ADAMTSL5: variants seen among roughly 807,000 people sequenced by gnomAD.
ADAMTSL5 encodes the protein ADAMTS-like protein 5.
ADAMTSL5 carries 53 observed loss-of-function variants against 51.7 expected under a neutral mutation model. That is an observed-to-expected ratio of 1.03 (90% CI 0.82 to 1.29). The LOEUF (loss-of-function observed/expected upper bound fraction) is 1.29, where lower values mean the gene tolerates loss of function less well. ADAMTSL5 is among the 50% of genes most tolerant of loss of function. The pLI, the probability that ADAMTSL5 is intolerant of heterozygous loss-of-function variation, is 0.00. For missense variants in ADAMTSL5, 770 were observed against 676.2 expected (o/e 1.14, Z -1.54); for synonymous variants, 285 against 278.7 (o/e 1.02, Z -0.23).
rs1244065197 is a variant in ADAMTSL5, at chr19:1,506,836, C to T, written c.945G>A (p.Leu315=). ...GCTGAGGCTGCCTCAGGGGCCAGCC[C>T]AGGGCCTGCACACGAGCCTGGAAGG... ...YSPFQARVQA[L]GWPLRQPQPR... Residue 315 remains leucine, a synonymous_variant, in exon 10 of 12, where the codon CTG becomes CTA. Coordinates refer to ENST00000330475, the MANE Select transcript of ADAMTSL5 (RefSeq NM_213604.3). This position sits in a 1 kb window ranked among gnomAD's most constrained non-coding sequence, Gnocchi z 5.6. 6.5e-6 allele frequency: 10 copies of T among 1,541,590 alleles called. No homozygotes were observed. Among genetic ancestry groups the T allele is most frequent in the Non-Finnish European group, 6.1e-6 (7 of 1,144,376 alleles).
intron 8 of ADAMTSL5, 36 bp downstream of exon 8, chr19:1,507,521 C>T: frequency 6.2e-7 from 1 of 1,608,676 alleles, no homozygotes; most frequent in Non-Finnish European, 8.5e-7. Context: ...CCCCGGGTGC[C>T]CAGCCGGGTG....
rs1912991245 is a variant in ADAMTSL5, at chr19:1,507,314, G to C, written c.780C>G (p.Val260=). 6.3e-7 allele frequency: 1 copy of C among 1,595,788 alleles called. No homozygotes were observed. Among genetic ancestry groups the C allele is most frequent in the East Asian group, 2.2e-5 (1 of 44,710 alleles). Residue 260 remains valine, a synonymous_variant, in exon 9 of 12, where the codon GTC becomes GTG. Coordinates refer to ENST00000330475, the MANE Select transcript of ADAMTSL5 (RefSeq NM_213604.3). ...GTYEAAGTHV[V]YTRDTGPQET... Reference sequence around the variant, plus strand: ...CCTGGGGCCCTGTGTCTCGGGTGTAGACCACATGCGTGCCGGCCGCCTCGT... The same window carrying C: ...CCTGGGGCCCTGTGTCTCGGGTGTACACCACATGCGTGCCGGCCGCCTCGT...
At position 1,505,922 on chromosome 19, in the gene ADAMTSL5, C is replaced by G; in HGVS notation, c.*93G>C. ...ACAGGTGGGACGTATTTCAGAGCTG[C>G]CTGGAAGCCAGGGTGAGAGGGGAAA... is the stretch of plus-strand genomic sequence containing the variant. On this transcript the variant is annotated 3_prime_UTR_variant, in exon 12 of 12. Transcript: ENST00000330475. 1 of 1,410,650 alleles carries G rather than the reference C, an allele frequency of 7.1e-7. No individual in the cohort carries two copies. The highest frequency in any genetic ancestry group is 1.5e-5 in the South Asian group (1 of 66,910). 87.4% of individuals were successfully genotyped at this position (1,410,650 alleles called of 1,614,324 possible).
intron 6 of ADAMTSL5, 67 bp downstream of exon 6, chr19:1,508,376 A>G: frequency 2.3e-6 from 3 of 1,286,554 alleles, no homozygotes; most frequent in Non-Finnish European, 3.0e-6. Flanking sequence ...GCGGAGGTGG[A>G]GCCTAGGATG....
chr19:1,510,976 C>T lies in ADAMTSL5; in HGVS notation c.-33G>A, dbSNP rs1207613854. The T allele has an allele frequency of 1.0e-5, 14 of 1,361,854 alleles. No homozygotes were observed. The highest frequency in any genetic ancestry group is 7.1e-5 in the Admixed American group (2 of 28,012). 84.4% of individuals were successfully genotyped at this position (1,361,854 alleles called of 1,614,324 possible). ...CCGCCAGAGACACAGGGTTGTGTCCCGGCTCTGCCCTGACTGGCTGTGTGA... is the reference window on the plus strand; with the variant it reads ...CCGCCAGAGACACAGGGTTGTGTCCTGGCTCTGCCCTGACTGGCTGTGTGA... On this transcript the variant is annotated 5_prime_UTR_variant, in exon 2 of 12. Transcript: ENST00000330475.
Position 1,507,366 on chromosome 19 carries a change from T to G in ADAMTSL5, c.728A>C (p.His243Pro). 2 of 1,581,726 alleles carry G rather than the reference T, an allele frequency of 1.3e-6. No individual in the cohort carries two copies. Among genetic ancestry groups the G allele is most frequent in the Non-Finnish European group, 1.7e-6 (2 of 1,162,804 alleles). Reference sequence around the variant, plus strand: ...GGTCCCTGGTGGGCTGACCACCCAGTGCCCATTAAGCACGTAGCGCCCATC... The same window carrying G: ...GGTCCCTGGTGGGCTGACCACCCAGGGCCCATTAAGCACGTAGCGCCCATC... ...GGDGRYVLNG[H>P]WVVSPPGTYE... Residue 243 changes from histidine (H) to proline (P), a missense_variant, in exon 9 of 12, where the codon CAC becomes CCC. Transcript: ENST00000330475.
intron 7 of ADAMTSL5, 82 bp from the exon 8 acceptor site, chr19:1,507,725 G>T (rs1394544289): frequency 7.3e-7 from 1 of 1,373,892 alleles, no homozygotes; most frequent in African/African-American, 1.4e-5. Flanking sequence ...GAGCTACTGC[G>T]GGTAAGACAG....
At chr19:1,509,666 A>AAAAGG (rs1568243962) in intron 5 of ADAMTSL5, among the ~76,000 whole-genome samples, 1 of 131,540 alleles carries the variant, frequency 7.6e-6, no homozygotes, top group Non-Finnish European at 1.6e-5. Flanking sequence ...GGGAAGGGAG[A>AAAAGG]AAGGGAAGGA....
At chr19:1,512,664 A>G (rs1913322583) in intron 1 of ADAMTSL5, among the ~76,000 whole-genome samples, 1 of 151,928 alleles carries the variant, frequency 6.6e-6, no homozygotes, top group Admixed American at 6.6e-5. Context: ...TGGGCGACAT[A>G]GTGAGACTCA....
At chr19:1,508,356 T>A in intron 6 of ADAMTSL5, 87 bp downstream of exon 6, 1 of 1,037,384 alleles carries the variant, frequency 9.6e-7, no homozygotes, top group Non-Finnish European at 1.2e-6. Context: ...TGGAGGCTAA[T>A]GGGAGGAGGG....
At position 1,510,403 on chromosome 19, in the gene ADAMTSL5, C is replaced by G; in HGVS notation, c.217G>C (p.Gly73Arg). Residue 73 changes from glycine (G) to arginine (R), a missense_variant, in exon 4 of 12, where the codon GGA becomes CGA. Transcript: ENST00000330475. ...LRLPGEEPCW[G>R]DSHEYRLCQL... ...CAGAGGCGGTACTCATGGGAGTCTC[C>G]CCAGCACGGTTCTTCCCCAGGAAGC... 1.2e-6 allele frequency: 2 copies of G among 1,612,516 alleles called. No homozygotes were observed. The highest frequency in any genetic ancestry group is 1.7e-6 in the Non-Finnish European group (2 of 1,179,788).
intron 7 of ADAMTSL5, 87 bp downstream of exon 7, chr19:1,507,911 A>G (rs919208402): frequency 7.1e-6 from 10 of 1,408,492 alleles, no homozygotes; most frequent in Middle Eastern, 1.8e-4. Flanking sequence ...CACACTGGCC[A>G]ATCAGCACGG....
Position 1,510,913 on chromosome 19 carries a change from G to T in ADAMTSL5, c.31C>A (p.His11Asn). The T allele has an allele frequency of 1.4e-6, 2 of 1,480,150 alleles. No individual in the cohort carries two copies. The highest frequency in any genetic ancestry group is 2.6e-5 in the East Asian group (1 of 38,400). The allele number at this position is 1,480,150 out of a possible 1,614,324, so 91.7% of individuals were successfully genotyped here. MDSAPLFPRP[H>N]LFQNLLLFLW... Reference sequence around the variant, plus strand: ...AAGAGCAGGAGGTTCTGGAAGAGGTGGGGCCTGGGGAACAGAGGGGCCGAG... The same window carrying T: ...AAGAGCAGGAGGTTCTGGAAGAGGTTGGGCCTGGGGAACAGAGGGGCCGAG... Residue 11 changes from histidine (H) to asparagine (N), a missense_variant, in exon 2 of 12, where the codon CAC (histidine) becomes AAC (asparagine). Coordinates refer to ENST00000330475, the MANE Select transcript of ADAMTSL5 (RefSeq NM_213604.3).
chr19:1,505,956 C>A lies in ADAMTSL5; in HGVS notation c.*59G>T. ...CAGGGTGAGAGGGGAAATACGTTGA[C>A]GTTGAGGCTGGTCAGATGTATCTTT... On this transcript the variant is annotated 3_prime_UTR_variant, in exon 12 of 12. Coordinates refer to ENST00000330475, the MANE Select transcript of ADAMTSL5 (RefSeq NM_213604.3). 2 of 1,451,534 alleles carry A rather than the reference C, an allele frequency of 1.4e-6. No homozygotes were observed. The highest frequency in any genetic ancestry group is 1.4e-5 in the South Asian group (1 of 69,930). The allele number at this position is 1,451,534 out of a possible 1,614,324, so 89.9% of individuals were successfully genotyped here.
Position 1,506,874 on chromosome 19 carries a change from C to A in ADAMTSL5, c.907G>T (p.Glu303Ter). The A allele has an allele frequency of 2.6e-6, 4 of 1,548,762 alleles. No homozygotes were observed. Among genetic ancestry groups the A allele is most frequent in the Non-Finnish European group, 3.5e-6 (4 of 1,146,080 alleles). Residue 303 changes from glutamate (E) to a stop codon, truncating the protein, a stop_gained, in exon 10 of 12, where the codon GAG (glutamate) becomes TAG (stop). Coordinates refer to ENST00000330475, the MANE Select transcript of ADAMTSL5 (RefSeq NM_213604.3). LOFTEE classifies it high-confidence loss of function. This position sits in a 1 kb window ranked among gnomAD's most constrained non-coding sequence, Gnocchi z 5.6. Reference sequence around the variant, plus strand: ...CGAGCCTGGAAGGGGCTGTAGCGCTCCCGAGGGAGCCAGAACTCAAACTCG... The same window carrying A: ...CGAGCCTGGAAGGGGCTGTAGCGCTACCGAGGGAGCCAGAACTCAAACTCG... ...GIEFEFWLPR[E>*]RYSPFQARVQ...
In ADAMTSL5 at chr19:1,511,024, T is replaced by C; in HGVS notation, c.-81A>G. 1 of 1,084,546 alleles carries C rather than the reference T, an allele frequency of 9.2e-7. No individual in the cohort carries two copies. The allele number at this position is 1,084,546 out of a possible 1,614,324, so 67.2% of individuals were successfully genotyped here. A position where few individuals can be genotyped will look rare whatever the true frequency, so the allele number is the denominator to read the frequency against. ...TGATCTTGGAAAGTAACTAAACCTC[T>C]CTGAGCCCTACCTCTCGTCTCTGAA... On this transcript the variant is annotated 5_prime_UTR_variant, in exon 2 of 12. Coordinates refer to ENST00000330475, the MANE Select transcript of ADAMTSL5 (RefSeq NM_213604.3).
chr19:1,510,868 A>G lies in ADAMTSL5; in HGVS notation c.76T>C (p.Cys26Arg). 1 of 1,536,174 alleles carries G rather than the reference A, an allele frequency of 6.5e-7. No individual in the cohort carries two copies. Among genetic ancestry groups the G allele is most frequent in the Non-Finnish European group, 8.7e-7 (1 of 1,149,002 alleles). ...ACCTGAGCACTGACCCCCAAACCAC[A>G]GTTCAGCAGGGCCCACAGGAAGAGC... ...LLLFLWALLN[C>R]GLGVSAQGPG... Residue 26 changes from cysteine to arginine, a missense_variant, in exon 2 of 12, where the codon TGT becomes CGT. By Grantham distance (180) the Cys-to-Arg change is radical. Transcript: ENST00000330475.
intron 9 of ADAMTSL5, 83 bp from the exon 10 acceptor site, chr19:1,507,011 C>G: frequency 1.4e-6 from 2 of 1,419,192 alleles, no homozygotes; most frequent in Non-Finnish European, 9.5e-7. Flanking sequence ...CCAGCCTCCC[C>G]ACTTTGATCC....
Position 1,506,093 on chromosome 19 carries a change from G to C in ADAMTSL5, c.1338C>G (p.Pro446=). ...TCCAGGGCCGGGCGTAGCCGGCGTG[G>C]GGCAGCAGCAGCTGGTCCTGTGTGC... ...PDGTQDQLLL[P]HAGYARPWSP... is the part of the protein sequence containing the mutation. The change falls in exon 12 of 12, where the codon CCC becomes CCG. Residue 446 remains proline (P), a synonymous_variant. Coordinates refer to ENST00000330475, the MANE Select transcript of ADAMTSL5 (RefSeq NM_213604.3). This position sits in a 1 kb window ranked among gnomAD's most constrained non-coding sequence, Gnocchi z 5.6. 1 of 1,604,402 alleles carries C rather than the reference G, an allele frequency of 6.2e-7. No individual in the cohort carries two copies. Among genetic ancestry groups the C allele is most frequent in the Non-Finnish European group, 8.5e-7 (1 of 1,177,650 alleles).
Sources: allele counts gnomAD v4.1 joint callset (sites outside exome capture counted in the v4.1 genomes callset), GRCh38; gene constraint gnomAD v4.1.1; non-coding constraint Gnocchi (gnomAD v3.1); transcripts MANE v1.5; gene names NCBI Gene and HGNC (gene_info 2026-07-23, HGNC 2026-07-21).